PDE10A: variants seen among roughly 807,000 people sequenced by gnomAD.
PDE10A encodes phosphodiesterase 10A.
PDE10A carries 39 observed loss-of-function variants against 97.7 expected under a neutral mutation model. The observed-to-expected ratio is 0.40, with a 90% CI of 0.31 to 0.52. The LOEUF (loss-of-function observed/expected upper bound fraction) is 0.52, where lower values mean the gene tolerates loss of function less well. PDE10A is among the 20% of genes least tolerant of loss of function. The probability of loss-of-function intolerance (pLI) is 0.56; values close to 1 mark genes in which losing one functional copy is unlikely to be tolerated. For synonymous variants in PDE10A, 371 were observed against 376.8 expected, an observed-to-expected ratio of 0.98 and a Z score of 0.18; for missense variants, 731 against 1,047.8, an observed-to-expected ratio of 0.70 and a Z score of 4.17.
At chr6:165,461,369 G>A (rs1454993777) in intron 3 of PDE10A, among the ~76,000 whole-genome samples, 2 of 152,044 alleles carry the variant, frequency 1.3e-5, no homozygotes, top group South Asian at 2.1e-4. Flanking sequence ...CCTGCTAAGC[G>A]TTTTCATTGT....
At chr6:165,689,509 G>A (rs953494668) in intron 1 of PDE10A, among the ~76,000 whole-genome samples, 8 of 152,176 alleles carry the variant, frequency 5.3e-5, no homozygotes, top group African/African-American at 1.9e-4. Context: ...GATCCCGCAT[G>A]AACAGCTTGG....
rs1472544444 is a variant in PDE10A at position 165,330,550 on chromosome 6, T to C, written c.*2475A>G. 1.3e-5 allele frequency: 2 copies of C among 152,300 alleles called. No individual in the cohort carries two copies. Among genetic ancestry groups the C allele is most frequent in the Admixed American group, 6.5e-5 (1 of 15,306 alleles). The allele number at this position is 152,300 out of a possible 1,614,324, so 9.4% of individuals were successfully genotyped here. A position where few individuals can be genotyped will look rare whatever the true frequency, so the allele number is the denominator to read the frequency against. ...TTTATATCAGAATTCAGTCTTTTGT[T>C]CAAGCTGTGCTTCTATTATGACAAT... On this transcript the variant is annotated 3_prime_UTR_variant, in exon 22 of 22. Transcript: ENST00000539869.
rs534583649 is a variant in PDE10A, at chr6:165,479,014, A to G, written c.1023+3301T>C. On this transcript the variant is annotated intron_variant, in intron 3 of 21. Transcript: ENST00000539869. ...GATATCTTATGTCTCCCTAAAATGT[A>G]TAAAACCAAGCTGTAGCCCAACTAT... Among the ~76,000 whole-genome samples, 5 of 152,332 alleles carry G rather than the reference A, an allele frequency of 3.3e-5. No homozygotes were observed. In the South Asian group the frequency reaches 8.3e-4, roughly 25 times the overall value.
At chr6:165,750,896 G>A (rs1792983061) in intron 1 of PDE10A, among the ~76,000 whole-genome samples, 1 of 152,204 alleles carries the variant, frequency 6.6e-6, no homozygotes, top group Admixed American at 6.5e-5. Context: ...CACACAGCAT[G>A]TCTGTTATTG....
At chr6:165,500,226 T>C (rs539175280) in intron 2 of PDE10A, among the ~76,000 whole-genome samples, 2 of 147,606 alleles carry the variant, frequency 1.4e-5, no homozygotes, top group East Asian at 3.9e-4. Context: ...TATTATTCTG[T>C]ATCCAATATA....
chr6:165,648,959 T>C (rs966289957), intron 1 of PDE10A, among the ~76,000 whole-genome samples: 1 of 152,072 alleles, frequency 6.6e-6, no homozygotes, highest in Non-Finnish European at 1.5e-5. Context: ...CTTGTCCCCA[T>C]CCCAGGAGCC....
At chr6:165,903,159 G>A (rs1340541840) in intron 1 of PDE10A, among the ~76,000 whole-genome samples, 1 of 152,144 alleles carries the variant, frequency 6.6e-6, no homozygotes, top group Non-Finnish European at 1.5e-5. Flanking sequence ...AGTTAGGTGG[G>A]GTTCGGTTTT....
intron 1 of PDE10A, among the ~76,000 whole-genome samples, chr6:165,624,657 C>T (rs900856053): frequency 1.2e-4 from 18 of 152,308 alleles, no homozygotes; most frequent in Admixed American, 4.6e-4. Context: ...TTCATTCACC[C>T]ATCGGAAAAA....
At chr6:165,758,727 G>A (rs142789090) in intron 1 of PDE10A, among the ~76,000 whole-genome samples, 146 of 152,056 alleles carry the variant, frequency 9.6e-4, no homozygotes, top group African/African-American at 3.1e-3. Context: ...GGATGAGGAG[G>A]AGGAGGAGAA....
At position 165,711,564 on chromosome 6, in the gene PDE10A, TC is replaced by T. The variant is rs1791896168; in HGVS notation, c.-614-167997del. Among the ~76,000 whole-genome samples the T allele has an allele frequency of 6.6e-6, 1 of 152,192 alleles. No homozygotes were observed. The highest frequency in any genetic ancestry group is 2.4e-5 in the African/African-American group (1 of 41,446). ...AGTTCAGTTAGTTCAGCCTGCGCTT[TC>T]TAGATCCTCCAGCCAGGCCCAAACG... On this transcript the variant is annotated intron_variant, in intron 1 of 19. Coordinates refer to the PDE10A transcript ENST00000366882. This position sits in a 1 kb window ranked among gnomAD's most constrained non-coding sequence, Gnocchi z 4.5.
chr6:165,581,368 T>C (rs1157706681), intron 1 of PDE10A, among the ~76,000 whole-genome samples: 1 of 152,174 alleles, frequency 6.6e-6, no homozygotes, highest in Non-Finnish European at 1.5e-5. Flanking sequence ...GAGCCCTCAC[T>C]GACAGGATTA....
At chr6:165,546,848 G>A (rs1233557203) in intron 1 of PDE10A, among the ~76,000 whole-genome samples, 1 of 152,044 alleles carries the variant, frequency 6.6e-6, no homozygotes. Flanking sequence ...TTACATATAG[G>A]AATATTGGTA....
chr6:165,734,628 TGA>T (rs999430271), intron 1 of PDE10A, among the ~76,000 whole-genome samples: 3 of 152,074 alleles, frequency 2.0e-5, no homozygotes, highest in African/African-American at 7.2e-5. Context: ...ATAAAATTAA[TGA>T]GAGAGAGTTA....
chr6:165,881,519 C>T (rs1380782210), intron 1 of PDE10A, among the ~76,000 whole-genome samples: 1 of 150,678 alleles, frequency 6.6e-6, no homozygotes, highest in East Asian at 2.0e-4. Context: ...CCTCAGCCTC[C>T]TGAGGATTAG....
intron 1 of PDE10A, among the ~76,000 whole-genome samples, chr6:165,826,367 CTTGCATCCCT>C (rs1779748032): frequency 7.6e-6 from 1 of 132,186 alleles, no homozygotes; most frequent in African/African-American, 2.6e-5. Context: ...TCCCTCTGTC[CTTGCATCCCT>C]CTGTCCTCAT....
chr6:165,556,243 A>C (rs1784248214), intron 1 of PDE10A, among the ~76,000 whole-genome samples: 1 of 152,130 alleles, frequency 6.6e-6, no homozygotes, highest in South Asian at 2.1e-4. Flanking sequence ...ATAAAACAAC[A>C]CTCCACAGAG....
Position 165,671,329 on chromosome 6 carries a change from T to C in PDE10A, c.-614-127761A>G, listed in dbSNP as rs1011477071. On this transcript the variant is annotated intron_variant, in intron 1 of 19. Transcript: ENST00000366882. This position sits in a 1 kb window ranked among gnomAD's most constrained non-coding sequence, Gnocchi z 4.6. ...TGGTAATTTTATTATTTTGGGAATA[T>C]AGTAAGCACAACGACCCATGAGTGA... Among the ~76,000 whole-genome samples, 5 of 152,152 alleles carry C rather than the reference T, an allele frequency of 3.3e-5. No individual in the cohort carries two copies. The highest frequency in any genetic ancestry group is 9.7e-5 in the African/African-American group (4 of 41,440).
intron 1 of PDE10A, among the ~76,000 whole-genome samples, chr6:165,824,091 C>A (rs1419159825): frequency 1.3e-5 from 2 of 152,170 alleles, no homozygotes; most frequent in African/African-American, 4.8e-5. Context: ...TATTTAATGT[C>A]CTGGTGACTC....
intron 1 of PDE10A, among the ~76,000 whole-genome samples, chr6:165,737,229 C>T (rs1792597567): frequency 6.6e-6 from 1 of 152,142 alleles, no homozygotes; most frequent in African/African-American, 2.4e-5. Context: ...GAATTAATGC[C>T]AAGCCTTCTC....
Sources: allele counts gnomAD v4.1 joint callset (sites outside exome capture counted in the v4.1 genomes callset), GRCh38; gene constraint gnomAD v4.1.1; non-coding constraint Gnocchi (gnomAD v3.1); transcripts MANE v1.5; gene names NCBI Gene and HGNC (gene_info 2026-07-23, HGNC 2026-07-21).